The following SGCD variants were observed in gnomAD, a reference collection of about 807,000 sequenced individuals.
SGCD encodes sarcoglycan delta, also known as delta-sarcoglycan.
SGCD carries 18 observed loss-of-function variants against 36.6 expected under a neutral mutation model. That is an observed-to-expected ratio of 0.49 (90% CI 0.34 to 0.73). The LOEUF (loss-of-function observed/expected upper bound fraction) is 0.73, where lower values mean the gene tolerates loss of function less well. SGCD is among the 30% of genes least tolerant of loss of function. The probability of loss-of-function intolerance (pLI) is 0.01; values close to 1 mark genes in which losing one functional copy is unlikely to be tolerated. For synonymous variants in SGCD, 133 were observed against 130.6 expected, an observed-to-expected ratio of 1.02 and a Z score of -0.12; for missense variants, 387 against 346.7, an observed-to-expected ratio of 1.12 and a Z score of -0.92.
Position 156,560,771 on chromosome 5 carries a change from G to A in SGCD, c.295-28460G>A, listed in dbSNP as rs78262873. Among the ~76,000 whole-genome samples, 145 of 152,260 alleles carry A rather than the reference G, an allele frequency of 9.5e-4. 4 individuals carry two copies. In the East Asian group the frequency reaches 0.024, roughly 26 times the overall value. On this transcript the variant is annotated intron_variant, in intron 4 of 8. Coordinates refer to ENST00000337851, the MANE Select transcript of SGCD (RefSeq NM_000337.6). ...GTTACGAACAGTGGCTTTAGAGTTA[G>A]ACAAACTTCTGTCCATTCAAATCTG...
intron 3 of SGCD, among the ~76,000 whole-genome samples, chr5:156,478,155 C>A (rs1755271119): frequency 6.6e-6 from 1 of 152,118 alleles, no homozygotes; most frequent in Non-Finnish European, 1.5e-5. Flanking sequence ...ATGGTTATGG[C>A]TGCTTCATGT....
At chr5:156,335,843 C>T (rs1018507329) in intron 2 of SGCD, among the ~76,000 whole-genome samples, 1 of 152,196 alleles carries the variant, frequency 6.6e-6, no homozygotes, top group Non-Finnish European at 1.5e-5. Context: ...CAGCAACTCC[C>T]CAGCTTCTCA....
intron 3 of SGCD, among the ~76,000 whole-genome samples, chr5:156,183,502 G>A (rs1278990629): frequency 6.6e-6 from 1 of 152,048 alleles, no homozygotes; most frequent in African/African-American, 2.4e-5. Flanking sequence ...TCACCTCCAG[G>A]GTTAAAGTGA....
chr5:155,744,516 T>C, the SGCD span, among the ~76,000 whole-genome samples: 1 of 152,062 alleles, frequency 6.6e-6, no homozygotes, highest in African/African-American at 2.4e-5. Flanking sequence ...AAAGCAATTA[T>C]TTAAAATATG....
chr5:156,008,671 C>T (rs981114976), intron 1 of SGCD, among the ~76,000 whole-genome samples: 7 of 152,278 alleles, frequency 4.6e-5, no homozygotes, highest in Admixed American at 3.3e-4. Context: ...CCATGGTGCC[C>T]AGCCTACATT....
At chr5:155,754,486 T>G in the SGCD span, among the ~76,000 whole-genome samples, 8 of 152,208 alleles carry the variant, frequency 5.3e-5, no homozygotes, top group Admixed American at 4.6e-4. Context: ...GAAGGTCTCC[T>G]GCTTCCAATC....
At chr5:155,998,124 GC>G (rs902980261) in intron 1 of SGCD, among the ~76,000 whole-genome samples, 3 of 152,186 alleles carry the variant, frequency 2.0e-5, no homozygotes, top group African/African-American at 7.2e-5. Flanking sequence ...GATGCTGGAT[GC>G]TTTTAATAAA....
At chr5:156,351,308 C>A (rs111439734) in intron 3 of SGCD, among the ~76,000 whole-genome samples, 2 of 152,098 alleles carry the variant, frequency 1.3e-5, no homozygotes, top group African/African-American at 4.8e-5. Context: ...TTAGCAGAAT[C>A]TGACACATAG....
chr5:155,847,155 G>A, the SGCD span, among the ~76,000 whole-genome samples: 1 of 152,206 alleles, frequency 6.6e-6, no homozygotes, highest in Non-Finnish European at 1.5e-5. Flanking sequence ...GGGTACATGT[G>A]CATGTGTGTC....
intron 7 of SGCD, among the ~76,000 whole-genome samples, chr5:156,688,582 G>A (rs756937242): frequency 6.6e-6 from 1 of 152,168 alleles, no homozygotes; most frequent in Non-Finnish European, 1.5e-5. Context: ...AAGTAAGATG[G>A]CTTCAGAAGG....
intron 1 of SGCD, among the ~76,000 whole-genome samples, chr5:156,107,534 C>T (rs554661758): frequency 9.1e-4 from 139 of 152,172 alleles, no homozygotes; most frequent in African/African-American, 3.0e-3. Context: ...ACTAATGGTT[C>T]ATATTTAGTC....
intron 3 of SGCD, among the ~76,000 whole-genome samples, chr5:156,264,598 A>G (rs1765954848): frequency 6.6e-6 from 1 of 152,134 alleles, no homozygotes; most frequent in South Asian, 2.1e-4. Flanking sequence ...GTAAATTGAT[A>G]CACTAATAAT....
the SGCD span, among the ~76,000 whole-genome samples, chr5:155,793,993 G>C: frequency 3.4e-5 from 5 of 148,006 alleles, no homozygotes; most frequent in African/African-American, 1.2e-4. Context: ...ATAAAACTAA[G>C]CTAAAAGTCT....
chr5:156,620,674 A>C (rs1006600476), intron 6 of SGCD, among the ~76,000 whole-genome samples: 5 of 152,338 alleles, frequency 3.3e-5, no homozygotes, highest in South Asian at 2.1e-4. Context: ...CAGCAAGAAC[A>C]GGGACTATGG....
intron 3 of SGCD, among the ~76,000 whole-genome samples, chr5:156,289,038 GC>G (rs1203233978): frequency 6.6e-6 from 1 of 152,062 alleles, no homozygotes; most frequent in Non-Finnish European, 1.5e-5. Context: ...GTCCTTGTTA[GC>G]TCCTCTATTT....
intron 6 of SGCD, 108 bp downstream of exon 6, chr5:156,595,159 G>T: frequency 7.8e-7 from 1 of 1,290,294 alleles, no homozygotes; most frequent in East Asian, 2.6e-5. Context: ...TTCATATATC[G>T]AAATCCTAAC....
rs1448446679 is a variant in SGCD at position 155,947,702 on chromosome 5, T to C, written c.-282+77278T>C. ...ATCAAGGTAAGTTAAAGAACAAGCA[T>C]GGCAGAGATGAAGGTGGGACCCATA... On this transcript the variant is annotated intron_variant, in intron 1 of 9. Transcript: ENST00000517913. Among the ~76,000 whole-genome samples, 6 of 152,228 alleles carry C rather than the reference T, an allele frequency of 3.9e-5. No homozygotes were observed. The East Asian group carries it at 7.7e-4, about 20-fold the overall frequency.
At chr5:155,899,042 G>A (rs1051929785) in intron 1 of SGCD, among the ~76,000 whole-genome samples, 3 of 152,180 alleles carry the variant, frequency 2.0e-5, no homozygotes, top group Admixed American at 6.5e-5. Context: ...AAAGCTCCAC[G>A]CATTTGAGGA....
intron 3 of SGCD, among the ~76,000 whole-genome samples, chr5:156,358,726 A>T (rs1769619161): frequency 6.6e-6 from 1 of 152,238 alleles, no homozygotes; most frequent in African/African-American, 2.4e-5. Context: ...GATTTGGCAT[A>T]ATTGAAGAGG....
Sources: allele counts gnomAD v4.1 joint callset (sites outside exome capture counted in the v4.1 genomes callset), GRCh38; gene constraint gnomAD v4.1.1; transcripts MANE v1.5; gene names NCBI Gene and HGNC (gene_info 2026-07-23, HGNC 2026-07-21).